AUTS2: variants seen among roughly 807,000 people sequenced by gnomAD.
AUTS2 encodes the protein autism susceptibility gene 2 protein.
Under a neutral mutation model 112.4 loss-of-function variants are expected in AUTS2, and 17 were observed. The observed-to-expected ratio is 0.15, with a 90% CI of 0.10 to 0.23. AUTS2 has a LOEUF of 0.23. Ranked by LOEUF, AUTS2 falls within the 10% of genes least tolerant of loss-of-function variation. The pLI, the probability that AUTS2 is intolerant of heterozygous loss-of-function variation, is 1.00. For synonymous variants in AUTS2, 751 were observed against 702.7 expected (o/e 1.07, Z -1.09); for missense variants, 1,510 against 1,701.6 (o/e 0.89, Z 1.98).
chr7:70,720,765 C>T (rs1279349487), intron 6 of AUTS2, among the ~76,000 whole-genome samples: 1 of 152,126 alleles, frequency 6.6e-6, no homozygotes, highest in Non-Finnish European at 1.5e-5. Flanking sequence ...CACCTTTAGG[C>T]AACACAGCAC....
chr7:70,588,047 C>T (rs1429687066), intron 5 of AUTS2, among the ~76,000 whole-genome samples: 4 of 152,132 alleles, frequency 2.6e-5, no homozygotes, highest in African/African-American at 9.7e-5. Flanking sequence ...TTCAACAACA[C>T]CTCGGCCAAC....
At chr7:70,744,642 C>T (rs973846694) in intron 6 of AUTS2, among the ~76,000 whole-genome samples, 9 of 152,152 alleles carry the variant, frequency 5.9e-5, no homozygotes, top group Non-Finnish European at 1.5e-5. Context: ...GACCGATGAG[C>T]GAGGCTCCAT....
At chr7:70,148,474 A>G (rs1377660697) in intron 4 of AUTS2, among the ~76,000 whole-genome samples, 2 of 152,070 alleles carry the variant, frequency 1.3e-5, no homozygotes, top group African/African-American at 4.8e-5. Context: ...TAATCTCATC[A>G]ACTCATCTCA....
At chr7:70,320,555 C>G (rs904557538) in intron 4 of AUTS2, among the ~76,000 whole-genome samples, 1 of 152,212 alleles carries the variant, frequency 6.6e-6, no homozygotes, top group East Asian at 1.9e-4. Context: ...ATTTACTTAA[C>G]TCCTACTGTG....
chr7:70,529,748 A>G (rs1281194986), intron 5 of AUTS2, among the ~76,000 whole-genome samples: 3 of 152,166 alleles, frequency 2.0e-5, no homozygotes, highest in Admixed American at 1.3e-4. Context: ...GGAGAGGAAC[A>G]ATGGAGTTCT....
At chr7:69,732,222 T>A (rs1252233447) in intron 1 of AUTS2, among the ~76,000 whole-genome samples, 1 of 152,196 alleles carries the variant, frequency 6.6e-6, no homozygotes, top group Non-Finnish European at 1.5e-5. Context: ...TTACTGCTGC[T>A]GTCTCCCTCC....
chr7:70,153,639 G>A (rs1248194797), intron 4 of AUTS2, among the ~76,000 whole-genome samples: 1 of 152,138 alleles, frequency 6.6e-6, no homozygotes, highest in Non-Finnish European at 1.5e-5. Context: ...CCCTGCTGTT[G>A]TTAACACCCT....
chr7:69,740,365 G>C (rs1181323381), intron 1 of AUTS2, among the ~76,000 whole-genome samples: 1 of 152,146 alleles, frequency 6.6e-6, no homozygotes, highest in African/African-American at 2.4e-5. Flanking sequence ...AGGTAGGTGG[G>C]GGGAGGAGAA....
At chr7:69,632,273 G>T (rs1306151478) in intron 1 of AUTS2, among the ~76,000 whole-genome samples, 1 of 152,060 alleles carries the variant, frequency 6.6e-6, no homozygotes, top group East Asian at 1.9e-4. Context: ...TGCCTTGCTG[G>T]ACAGTGATTA....
chr7:70,324,372 T>G (rs1187888999), intron 4 of AUTS2, among the ~76,000 whole-genome samples: 1 of 152,128 alleles, frequency 6.6e-6, no homozygotes, highest in Non-Finnish European at 1.5e-5. Context: ...TTTGTATTCA[T>G]TGAAAAAAAA....
In AUTS2 at chr7:70,411,920, CT is replaced by C. The variant is rs545022866; in HGVS notation, c.661-23816del. 3.9e-3 allele frequency among the ~76,000 whole-genome samples: 514 copies of C among 130,818 alleles called. 1 individual carries two copies. The highest frequency in any genetic ancestry group is 0.02 in the Middle Eastern group (5 of 250). 85.8% of individuals were successfully genotyped at this position (130,818 alleles called of 152,430 possible). A position where few individuals can be genotyped will look rare whatever the true frequency, so the allele number is the denominator to read the frequency against. On this transcript the variant is annotated intron_variant, in intron 4 of 18. Coordinates refer to ENST00000342771, the MANE Select transcript of AUTS2 (RefSeq NM_015570.4). Reference sequence around the variant, plus strand: ...TCTTTCCTTTTTTTTTTCCTTTTTTCTTTTTTTTTTTTTTTTGAGACAGTCT... The same window carrying C: ...TCTTTCCTTTTTTTTTTCCTTTTTTCTTTTTTTTTTTTTTTGAGACAGTCT...
intron 1 of AUTS2, among the ~76,000 whole-genome samples, chr7:69,614,977 T>C (rs897079724): frequency 6.6e-6 from 1 of 152,248 alleles, no homozygotes; most frequent in Non-Finnish European, 1.5e-5. Context: ...AAACATGTTC[T>C]TTGAAATTTA....
At chr7:70,281,909 A>T (rs1441254112) in intron 4 of AUTS2, among the ~76,000 whole-genome samples, 1 of 152,186 alleles carries the variant, frequency 6.6e-6, no homozygotes, top group Non-Finnish European at 1.5e-5. Flanking sequence ...CTTCCACCCC[A>T]ACCCCCTGAC....
intron 4 of AUTS2, among the ~76,000 whole-genome samples, chr7:70,284,778 C>T (rs1222683096): frequency 2.0e-5 from 3 of 152,056 alleles, no homozygotes; most frequent in African/African-American, 7.2e-5. Context: ...GGGGTCTGGC[C>T]CACTTTCAGC....
intron 4 of AUTS2, among the ~76,000 whole-genome samples, chr7:70,278,935 T>C (rs1470482083): frequency 1.3e-5 from 2 of 152,212 alleles, no homozygotes; most frequent in Non-Finnish European, 2.9e-5. Flanking sequence ...AGGTTCATCT[T>C]TGGAAGGAAG....
chr7:69,718,572 T>C (rs538629577), intron 1 of AUTS2, among the ~76,000 whole-genome samples: 2 of 152,336 alleles, frequency 1.3e-5, no homozygotes, highest in Admixed American at 1.3e-4. Context: ...TCTTCCACTT[T>C]TAAGAACCCT....
At chr7:69,684,933 A>C (rs1338410741) in intron 1 of AUTS2, among the ~76,000 whole-genome samples, 1 of 152,186 alleles carries the variant, frequency 6.6e-6, no homozygotes, top group African/African-American at 2.4e-5. Flanking sequence ...CTGGCAGTTA[A>C]AATCTGTATG....
chr7:70,458,089 C>T (rs1354966246), intron 5 of AUTS2, among the ~76,000 whole-genome samples: 1 of 152,134 alleles, frequency 6.6e-6, no homozygotes, highest in Non-Finnish European at 1.5e-5. Flanking sequence ...AGCCCTTGAG[C>T]CCACATTCTT....
At chr7:70,099,390 T>C (rs12669794) in intron 2 of AUTS2, among the ~76,000 whole-genome samples, 38,715 of 152,028 alleles carry the variant, frequency 0.25, 4,922 homozygotes, top group Middle Eastern at 0.33. Flanking sequence ...TTCCTTAACT[T>C]AGGGCTGTTC....
Sources: allele counts gnomAD v4.1 joint callset (sites outside exome capture counted in the v4.1 genomes callset), GRCh38; gene constraint gnomAD v4.1.1; transcripts MANE v1.5; gene names NCBI Gene and HGNC (gene_info 2026-07-23, HGNC 2026-07-21).